The following MYO16 variants were observed in gnomAD, a reference collection of about 807,000 sequenced individuals.
MYO16 encodes the protein myosin XVI, also known as unconventional myosin-XVI.
A neutral mutation model predicts 205.3 loss-of-function variants in MYO16; 94 were observed. The observed-to-expected ratio is 0.46, with a 90% CI of 0.39 to 0.54. The LOEUF is 0.54. Among genes scored for constraint, MYO16 ranks in the 20% least tolerant of loss-of-function variants. The pLI is 0.00. For synonymous variants in MYO16, 988 were observed against 954.0 expected, an observed-to-expected ratio of 1.04 and a Z score of -0.66; for missense variants, 2,315 against 2,387.5, an observed-to-expected ratio of 0.97 and a Z score of 0.63.
the MYO16 span, among the ~76,000 whole-genome samples, chr13:108,534,293 T>A: frequency 6.6e-6 from 1 of 152,188 alleles, no homozygotes; most frequent in African/African-American, 2.4e-5. Context: ...CATTTCTACA[T>A]ATTGTTATTG....
At chr13:108,606,880 G>A (rs1443064147) in intron 1 of MYO16, among the ~76,000 whole-genome samples, 2 of 152,242 alleles carry the variant, frequency 1.3e-5, no homozygotes, top group South Asian at 4.1e-4. Flanking sequence ...CAAAGCTACA[G>A]GGGTGGAGCA....
intron 31 of MYO16, among the ~76,000 whole-genome samples, chr13:109,134,970 C>T (rs1429595128): frequency 6.6e-6 from 1 of 152,176 alleles, no homozygotes; most frequent in Non-Finnish European, 1.5e-5. Flanking sequence ...CCTCCTTCAT[C>T]ATCTCATCTG....
intron 1 of MYO16, among the ~76,000 whole-genome samples, chr13:108,637,352 A>T (rs982945977): frequency 1.8e-4 from 28 of 152,294 alleles, no homozygotes; most frequent in Admixed American, 1.6e-3. Flanking sequence ...TGTTTGGTGG[A>T]TGGGAAAGGA....
At chr13:108,542,111 T>C in the MYO16 span, among the ~76,000 whole-genome samples, 1 of 152,004 alleles carries the variant, frequency 6.6e-6, no homozygotes. Context: ...TACATATACA[T>C]CATGGACCAT....
intron 16 of MYO16, among the ~76,000 whole-genome samples, chr13:108,933,922 G>A (rs1234589191): frequency 6.6e-6 from 1 of 152,060 alleles, no homozygotes; most frequent in Non-Finnish European, 1.5e-5. Context: ...TGCTGCAAAG[G>A]CCATGATTTC....
chr13:108,926,536 G>A (rs760075948), intron 16 of MYO16, among the ~76,000 whole-genome samples: 28 of 152,014 alleles, frequency 1.8e-4, no homozygotes, highest in Non-Finnish European at 2.9e-4. Flanking sequence ...AGCAGGGGTC[G>A]GGAGCCAGCC....
chr13:109,072,534 T>G (rs1163227317), intron 27 of MYO16, among the ~76,000 whole-genome samples: 1 of 151,998 alleles, frequency 6.6e-6, no homozygotes, highest in Non-Finnish European at 1.5e-5. Flanking sequence ...ATCCTCTTTT[T>G]CTTTTGCTAC....
intron 34 of MYO16, among the ~76,000 whole-genome samples, chr13:109,184,393 A>G (rs1199915235): frequency 6.6e-6 from 1 of 152,210 alleles, no homozygotes; most frequent in East Asian, 1.9e-4. Context: ...AGTAGAGATA[A>G]ATAGAAATTT....
At chr13:109,177,868 C>A (rs1236989509) in intron 33 of MYO16, among the ~76,000 whole-genome samples, 1 of 152,156 alleles carries the variant, frequency 6.6e-6, no homozygotes, top group Non-Finnish European at 1.5e-5. Context: ...TTTGTCTTCT[C>A]CTGCCACAGA....
intron 23 of MYO16, among the ~76,000 whole-genome samples, chr13:109,031,232 C>CA (rs1566472145): frequency 6.6e-6 from 1 of 152,088 alleles, no homozygotes; most frequent in Non-Finnish European, 1.5e-5. Flanking sequence ...GCTGGAACCA[C>CA]AGGCGCCCAC....
At chr13:108,533,399 G>A in the MYO16 span, among the ~76,000 whole-genome samples, 3 of 152,210 alleles carry the variant, frequency 2.0e-5, no homozygotes, top group Admixed American at 2.0e-4. Context: ...AGTTGTCCAT[G>A]CCAGAATGAC....
intron 21 of MYO16, among the ~76,000 whole-genome samples, chr13:108,999,464 T>A (rs1033256211): frequency 6.6e-6 from 1 of 152,230 alleles, no homozygotes; most frequent in Non-Finnish European, 1.5e-5. Context: ...ATAATGCTAT[T>A]CAGGTTTCTA....
At chr13:108,694,976 G>A (rs1346420435) in intron 2 of MYO16, among the ~76,000 whole-genome samples, 2 of 152,130 alleles carry the variant, frequency 1.3e-5, no homozygotes, top group East Asian at 3.9e-4. Context: ...GCCGGGTGTG[G>A]TGGCACATTT....
chr13:108,974,302 CT>C (rs1353148566), intron 20 of MYO16, among the ~76,000 whole-genome samples: 2 of 152,082 alleles, frequency 1.3e-5, no homozygotes, highest in Admixed American at 6.6e-5. Context: ...TCAGGTAGCA[CT>C]TAATATACTT....
chr13:109,179,248 GT>G (rs1239425936), intron 33 of MYO16, among the ~76,000 whole-genome samples: 1 of 152,154 alleles, frequency 6.6e-6, no homozygotes, highest in African/African-American at 2.4e-5. Context: ...GTCTCTAGAA[GT>G]TTCCCTTCTC....
intron 22 of MYO16, among the ~76,000 whole-genome samples, chr13:109,018,255 A>G (rs9555541): frequency 0.16 from 24,983 of 152,102 alleles, 2,178 homozygotes; most frequent in East Asian, 0.24. Flanking sequence ...AGTTTGTTGG[A>G]GGTCCACTCC....
intron 4 of MYO16, among the ~76,000 whole-genome samples, chr13:108,757,433 C>T (rs187094167): frequency 5.7e-4 from 87 of 152,248 alleles, no homozygotes; most frequent in Non-Finnish European, 6.2e-4. Flanking sequence ...CATCCAAAGA[C>T]TTACAGTCAT....
chr13:108,660,478 G>A (rs1468879424), intron 1 of MYO16, among the ~76,000 whole-genome samples: 4 of 152,086 alleles, frequency 2.6e-5, no homozygotes, highest in South Asian at 2.1e-4. Context: ...TATATATTTA[G>A]GATTGTGATA....
At chr13:108,624,541 A>G (rs2139340765) in intron 1 of MYO16, among the ~76,000 whole-genome samples, 1 of 152,288 alleles carries the variant, frequency 6.6e-6, no homozygotes, top group East Asian at 1.9e-4. Flanking sequence ...AAGGTCAAAC[A>G]CCTGAAATGG....
Sources: allele counts gnomAD v4.1 joint callset (sites outside exome capture counted in the v4.1 genomes callset), GRCh38; gene constraint gnomAD v4.1.1; transcripts MANE v1.5; gene names NCBI Gene and HGNC (gene_info 2026-07-23, HGNC 2026-07-21).